The following TPP2 variants were observed in gnomAD, a reference collection of about 807,000 sequenced individuals.
The protein encoded by TPP2 is tripeptidyl peptidase 2.
In TPP2, 34 loss-of-function variants were observed where a neutral mutation model predicts 155.9. The observed-to-expected ratio is 0.22, with a 90% confidence interval of 0.17 to 0.29. TPP2 has a LOEUF of 0.29. Among genes scored for constraint, TPP2 ranks in the 10% least tolerant of loss-of-function variants. The pLI is 1.00. For synonymous variants in TPP2, 510 were observed against 529.4 expected (o/e 0.96, Z 0.50); for missense variants, 1,028 against 1,522.3 (o/e 0.68, Z 5.40).
At chr13:102,659,196 A>G (rs963562804) in intron 25 of TPP2, among the ~76,000 whole-genome samples, 1 of 152,202 alleles carries the variant, frequency 6.6e-6, no homozygotes, top group Non-Finnish European at 1.5e-5. Flanking sequence ...AAAGGAATGA[A>G]AAAAATGAAC....
In TPP2 at chr13:102,597,139, A is replaced by G. The variant is rs1226706671; in HGVS notation, c.101A>G (p.Asp34Gly). ...ASFLCRYPEY[D>G]GRGVLIAVLD... ...TTCCTCTGCCGCTACCCGGAGTATG[A>G]TGGGCGGGGGGTGCTCATCGCAGTC... The change falls in exon 1 of 30, where the codon GAT becomes GGT. Residue 34 changes from aspartate (D) to glycine (G), a missense_variant. Around this residue, in one of 7 missense-constraint regions of TPP2, gnomAD observed 300 missense variants for 398.3 expected, o/e 0.75. Coordinates refer to ENST00000376052, the MANE Select transcript of TPP2 (RefSeq NM_001330588.2). The G allele has an allele frequency of 1.2e-6, 2 of 1,609,654 alleles. No individual in the cohort carries two copies. Among genetic ancestry groups the G allele is most frequent in the Non-Finnish European group, 8.5e-7 (1 of 1,178,666 alleles).
In TPP2 at chr13:102,658,980, C is replaced by T. The variant is rs527334212; in HGVS notation, c.3143+1773C>T. ...AAGACCACAGGAGAGTGCTAAGCTC[C>T]TTAAGTGGGGGTGTCACTCAAAGAA... On this transcript the variant is annotated intron_variant, in intron 25 of 29. Transcript: ENST00000376052. 2.0e-4 allele frequency among the ~76,000 whole-genome samples: 30 copies of T among 152,318 alleles called. No homozygotes were observed. In the South Asian group the frequency reaches 3.5e-3, roughly 18 times the overall value.
intron 24 of TPP2, chr13:102,654,808 T>A: frequency 7.8e-6 from 3 of 383,290 alleles, no homozygotes; most frequent in Non-Finnish European, 1.6e-5. Context: ...GCTGTACAGA[T>A]GACACTGATG....
chr13:102,630,976 C>T (rs1315423381), intron 10 of TPP2, among the ~76,000 whole-genome samples: 2 of 152,118 alleles, frequency 1.3e-5, no homozygotes. Flanking sequence ...GATGGGACTC[C>T]AGAGGTGGGA....
intron 1 of TPP2, among the ~76,000 whole-genome samples, chr13:102,603,836 A>G (rs1191257869): frequency 2.6e-5 from 4 of 151,590 alleles, no homozygotes. Flanking sequence ...AGCCTGTATT[A>G]CTTTTGATGG....
intron 12 of TPP2, among the ~76,000 whole-genome samples, chr13:102,635,998 G>T (rs1370488908): frequency 6.6e-6 from 1 of 152,140 alleles, no homozygotes; most frequent in Non-Finnish European, 1.5e-5. Flanking sequence ...CCTAAATTTG[G>T]TCACTTGAGA....
rs752172306 is a variant in TPP2, at chr13:102,663,652, G to A, written c.3148G>A (p.Asp1050Asn). ...CTCTCCTTCTTACATACATAGGCTG[G>A]ATTCTAGTGACATTTATAACGAATT... is the stretch of plus-strand genomic sequence containing the variant. The part of the protein sequence containing the change: ...DLKIQWMTKL[D>N]SSDIYNELKE... The change falls in exon 26 of 30, where the codon GAT becomes AAT. Residue 1050 changes from aspartate (D) to asparagine (N), a missense_variant. By Grantham distance (23) the Asp-to-Asn change is conservative. This residue lies in a region of TPP2 where 179 missense variants were observed against 274.7 expected (regional missense o/e 0.65). Coordinates refer to ENST00000376052, the MANE Select transcript of TPP2 (RefSeq NM_001330588.2). 3 of 1,596,948 alleles carry A rather than the reference G, an allele frequency of 1.9e-6. No individual in the cohort carries two copies. In the South Asian group the frequency reaches 3.5e-5, roughly 18 times the overall value.
rs1373448755 is a variant in TPP2 at position 102,659,567 on chromosome 13, C to CA, written c.3143+2361dup. ...TCAGAAAGCAGTGGGATAATATATT[C>CA]AGAGTGCTCAAAAATCTCAACCAAT... On this transcript the variant is annotated intron_variant, in intron 25 of 29. Coordinates refer to ENST00000376052, the MANE Select transcript of TPP2 (RefSeq NM_001330588.2). 3.9e-5 allele frequency among the ~76,000 whole-genome samples: 6 copies of CA among 152,174 alleles called. No homozygotes were observed. In the East Asian group the frequency reaches 7.7e-4, roughly 20 times the overall value.
intron 1 of TPP2, among the ~76,000 whole-genome samples, chr13:102,599,636 G>A (rs912923529): frequency 1.3e-5 from 2 of 152,192 alleles, no homozygotes; most frequent in African/African-American, 4.8e-5. Flanking sequence ...TTTGTGACAG[G>A]TCTGTGGGCA....
Position 102,630,797 on chromosome 13 carries a change from C to T in TPP2, c.1244+602C>T, listed in dbSNP as rs74112129. 2.5e-3 allele frequency among the ~76,000 whole-genome samples: 373 copies of T among 152,234 alleles called. 3 individuals carry two copies. The highest frequency in any genetic ancestry group is 0.012 in the South Asian group (56 of 4,826). On this transcript the variant is annotated intron_variant, in intron 10 of 29. Coordinates refer to ENST00000376052, the MANE Select transcript of TPP2 (RefSeq NM_001330588.2). ...ATGTAATTCTTCGTTATATCATCAGCGGGTACATGCACCTTCTGAAAAATA... is the reference window on the plus strand; with the variant it reads ...ATGTAATTCTTCGTTATATCATCAGTGGGTACATGCACCTTCTGAAAAATA...
chr13:102,652,331 G>T (rs540521219), intron 24 of TPP2, among the ~76,000 whole-genome samples: 1 of 143,086 alleles, frequency 7.0e-6, no homozygotes, highest in African/African-American at 2.6e-5. Context: ...AGTAAGCTGA[G>T]ATCACACCAC....
chr13:102,671,875 G>A lies in TPP2; in HGVS notation c.3372-2408G>A, dbSNP rs920800192. On this transcript the variant is annotated intron_variant, in intron 27 of 29. Coordinates refer to ENST00000376052, the MANE Select transcript of TPP2 (RefSeq NM_001330588.2). Reference sequence around the variant, plus strand: ...GTCCCTTAATTGAGCCTGCGAAACCGAGCCTCCACTAGCTTTAAGCAGCTG... The same window carrying A: ...GTCCCTTAATTGAGCCTGCGAAACCAAGCCTCCACTAGCTTTAAGCAGCTG... Among the ~76,000 whole-genome samples the A allele has an allele frequency of 6.6e-5, 10 of 151,782 alleles. No homozygotes were observed. In the South Asian group the frequency reaches 1.0e-3, roughly 16 times the overall value.
intron 5 of TPP2, among the ~76,000 whole-genome samples, chr13:102,622,260 C>T (rs1881219304): frequency 6.6e-6 from 1 of 152,124 alleles, no homozygotes; most frequent in Non-Finnish European, 1.5e-5. Flanking sequence ...ATGTTCATTT[C>T]ATTTATGACT....
At chr13:102,648,220 T>C (rs1338961668) in intron 21 of TPP2, among the ~76,000 whole-genome samples, 1 of 152,182 alleles carries the variant, frequency 6.6e-6, no homozygotes, top group Non-Finnish European at 1.5e-5. Context: ...ATTTTGGTTG[T>C]AATTTGAAGA....
chr13:102,644,352 A>G (rs1882959404), intron 17 of TPP2, among the ~76,000 whole-genome samples: 1 of 152,200 alleles, frequency 6.6e-6, no homozygotes, highest in Non-Finnish European at 1.5e-5. Flanking sequence ...GGTTATGAGT[A>G]AATAACTATG....
chr13:102,606,711 A>C (rs887747797), intron 2 of TPP2, among the ~76,000 whole-genome samples: 1 of 152,150 alleles, frequency 6.6e-6, no homozygotes, highest in South Asian at 2.1e-4. Flanking sequence ...TAACGCAATC[A>C]TGGGAGTGAC....
chr13:102,611,324 C>T (rs948277995), intron 2 of TPP2, among the ~76,000 whole-genome samples: 15 of 152,128 alleles, frequency 9.9e-5, no homozygotes, highest in African/African-American at 2.4e-4. Context: ...TTTCCAAGTG[C>T]GTGTTTGTTT....
intron 4 of TPP2, among the ~76,000 whole-genome samples, chr13:102,617,286 T>C (rs767755429): frequency 6.6e-6 from 1 of 152,192 alleles, no homozygotes; most frequent in African/African-American, 2.4e-5. Flanking sequence ...TTTCAGTTAA[T>C]ATATTAGACC....
intron 1 of TPP2, among the ~76,000 whole-genome samples, chr13:102,600,386 C>T (rs1221119444): frequency 1.3e-5 from 2 of 152,022 alleles, no homozygotes; most frequent in East Asian, 1.9e-4. Context: ...TTTAATTCTG[C>T]GCGCCCCCTC....
Sources: allele counts gnomAD v4.1 joint callset (sites outside exome capture counted in the v4.1 genomes callset), GRCh38; gene constraint gnomAD v4.1.1; regional missense constraint gnomAD v4.1.1; transcripts MANE v1.5; gene names NCBI Gene and HGNC (gene_info 2026-07-23, HGNC 2026-07-21).